WFDC9: variants seen among roughly 807,000 people sequenced by gnomAD.
WFDC9 encodes protein WFDC9.
Under a neutral mutation model 9.5 loss-of-function variants are expected in WFDC9, and 9 were observed. That is an observed-to-expected ratio of 0.95 (90% CI 0.57 to 1.65). The LOEUF is 1.65. WFDC9 is among the 40% of genes most tolerant of loss of function. The pLI is 0.00. For missense variants in WFDC9, 87 were observed against 106.7 expected, an observed-to-expected ratio of 0.82 and a Z score of 0.81; for synonymous variants, 33 against 32.3, an observed-to-expected ratio of 1.02 and a Z score of -0.07.
At chr20:45,624,639 C>G (rs948399592) in intron 1 of WFDC9, among the ~76,000 whole-genome samples, 6 of 152,154 alleles carry the variant, frequency 3.9e-5, no homozygotes, top group Non-Finnish European at 8.8e-5. Flanking sequence ...TGAGAAATTG[C>G]AATACCATTC....
intron 2 of WFDC9, among the ~76,000 whole-genome samples, chr20:45,611,668 C>T (rs1211226849): frequency 1.3e-5 from 2 of 152,092 alleles, no homozygotes; most frequent in Non-Finnish European, 1.5e-5. Context: ...GATGAACCTC[C>T]TTATAGTTAA....
At chr20:45,615,289 A>G (rs756881651) in intron 1 of WFDC9, among the ~76,000 whole-genome samples, 2 of 152,204 alleles carry the variant, frequency 1.3e-5, no homozygotes, top group Non-Finnish European at 2.9e-5. Flanking sequence ...TTTGTTCACC[A>G]AATGTCAGGG....
intron 4 of WFDC9, 43 bp downstream of exon 4, chr20:45,608,620 G>T: frequency 6.3e-7 from 1 of 1,585,070 alleles, no homozygotes. Context: ...GACCAGTGAT[G>T]AAGCATGCCC....
chr20:45,622,368 A>T (rs968685644), intron 1 of WFDC9, among the ~76,000 whole-genome samples: 1 of 152,116 alleles, frequency 6.6e-6, no homozygotes, highest in Admixed American at 6.5e-5. Context: ...TTCTTTTATG[A>T]TCATTTCCAG....
In WFDC9 at chr20:45,608,873, G is replaced by A. The variant is rs1376860413; in HGVS notation, c.92-63C>T. 1.3e-5 allele frequency: 19 copies of A among 1,510,052 alleles called. No homozygotes were observed. The East Asian group carries it at 3.8e-4, about 30-fold the overall frequency. 93.5% of individuals were successfully genotyped at this position (1,510,052 alleles called of 1,614,324 possible). ...AACTCAGACAAGAAACCTTTTCTAA[G>A]CTTAACAATCCCTTCTGAAACTTGA... On this transcript the variant is annotated intron_variant, in intron 3 of 4. Transcript: ENST00000326000.
intron 3 of WFDC9, 64 bp from the exon 4 acceptor site, chr20:45,608,874 C>T: frequency 1.3e-6 from 2 of 1,491,590 alleles, no homozygotes; most frequent in South Asian, 2.7e-5. Context: ...CTTTTCTAAG[C>T]TTAACAATCC....
chr20:45,629,411 T>C (rs1982300520), intron 1 of WFDC9: 1 of 155,220 alleles, frequency 6.4e-6, no homozygotes, highest in Non-Finnish European at 1.4e-5. Flanking sequence ...ATTGTTTATA[T>C]TAAATATGGA....
intron 2 of WFDC9, among the ~76,000 whole-genome samples, chr20:45,611,399 G>T (rs1476844336): frequency 6.6e-6 from 1 of 152,150 alleles, no homozygotes; most frequent in Admixed American, 6.5e-5. Context: ...CTAATTTCAT[G>T]GGCCTGCACA....
intron 1 of WFDC9, chr20:45,630,938 T>A (rs374193789): frequency 1.2e-6 from 2 of 1,612,810 alleles, no homozygotes; most frequent in Non-Finnish European, 8.5e-7. Flanking sequence ...CAAACACTTA[T>A]GTGAATCTCA....
intron 1 of WFDC9, among the ~76,000 whole-genome samples, chr20:45,618,329 C>A (rs566287704): frequency 6.6e-6 from 1 of 152,300 alleles, no homozygotes; most frequent in African/African-American, 2.4e-5. Flanking sequence ...AGCAATAGAG[C>A]TGTTTTGCTT....
intron 1 of WFDC9, among the ~76,000 whole-genome samples, chr20:45,614,947 C>T (rs775956226): frequency 2.0e-5 from 3 of 152,116 alleles, no homozygotes; most frequent in Non-Finnish European, 4.4e-5. Context: ...GCTCAGGCCA[C>T]CCCCAGCAGA....
chr20:45,626,239 C>T (rs1982216712), intron 1 of WFDC9, among the ~76,000 whole-genome samples: 1 of 152,108 alleles, frequency 6.6e-6, no homozygotes, highest in African/African-American at 2.4e-5. Context: ...TTCCCTCCAG[C>T]TTTGTTCTTT....
intron 1 of WFDC9, among the ~76,000 whole-genome samples, chr20:45,621,419 G>T (rs916373779): frequency 5.9e-5 from 9 of 152,172 alleles, no homozygotes; most frequent in Non-Finnish European, 8.8e-5. Flanking sequence ...ATGCAAAATT[G>T]TTGACATGGC....
At chr20:45,626,168 C>A (rs1982215500) in intron 1 of WFDC9, among the ~76,000 whole-genome samples, 1 of 151,644 alleles carries the variant, frequency 6.6e-6, no homozygotes, top group South Asian at 2.1e-4. Flanking sequence ...TGTTTTTATG[C>A]CAGTGCTATG....
intron 1 of WFDC9, among the ~76,000 whole-genome samples, chr20:45,630,703 G>A (rs1982342004): frequency 6.6e-6 from 1 of 152,026 alleles, no homozygotes; most frequent in Admixed American, 6.5e-5. Context: ...TTTAAAATAT[G>A]ACCAATCACT....
intron 1 of WFDC9, chr20:45,629,758 G>T: frequency 6.3e-7 from 1 of 1,584,568 alleles, no homozygotes; most frequent in Non-Finnish European, 8.6e-7. Flanking sequence ...AGACAGCTCT[G>T]CAGGGAAGTC....
rs929633399 is a variant in WFDC9 at position 45,607,989 on chromosome 20, A to G, written c.*121T>C. On this transcript the variant is annotated 3_prime_UTR_variant, in exon 5 of 5. Coordinates refer to ENST00000326000, the MANE Select transcript of WFDC9 (RefSeq NM_147198.4). ...ACAAAAGCTTCAGGGTAAAGAGGTCAAGGAAATAGCAGAAAGGTTACCAGC... is the reference window on the plus strand; with the variant it reads ...ACAAAAGCTTCAGGGTAAAGAGGTCGAGGAAATAGCAGAAAGGTTACCAGC... 1.8e-6 allele frequency: 2 copies of G among 1,122,538 alleles called. No homozygotes were observed. The highest frequency in any genetic ancestry group is 3.1e-5 in the African/African-American group (2 of 63,820). 69.5% of individuals were successfully genotyped at this position (1,122,538 alleles called of 1,614,324 possible).
chr20:45,616,665 A>G (rs1216754469), intron 1 of WFDC9, among the ~76,000 whole-genome samples: 2 of 152,232 alleles, frequency 1.3e-5, no homozygotes, highest in African/African-American at 4.8e-5. Context: ...AGTCAAAATT[A>G]TCTCTTGGTC....
rs1327362377 is a variant in WFDC9, at chr20:45,608,124, T to C, written c.256A>G (p.Met86Val). The C allele has an allele frequency of 6.2e-7, 1 of 1,613,158 alleles. No homozygotes were observed. Among genetic ancestry groups the C allele is most frequent in the Non-Finnish European group, 8.5e-7 (1 of 1,179,722 alleles). The change falls in exon 5 of 5, where the codon ATG becomes GTG. Residue 86 changes from methionine (M) to valine (V), a missense_variant. By Grantham distance (21) the Met-to-Val change is conservative (BLOSUM62 1). Transcript: ENST00000326000. ...CLDNEEPLKSMLNP is the reference protein window; with the variant it reads ...CLDNEEPLKSVLNP ...GCCAATAGAATCTAGGGGTTTAGCATTGATTTAAGGGGCTCTCTAGAAGAG... is the reference window on the plus strand; with the variant it reads ...GCCAATAGAATCTAGGGGTTTAGCACTGATTTAAGGGGCTCTCTAGAAGAG...
Sources: gnomAD v4.1 joint callset for allele counts (sites outside exome capture counted in the v4.1 genomes callset) on GRCh38, gnomAD v4.1.1 for gene constraint, MANE v1.5 for transcripts, NCBI Gene and HGNC (gene_info 2026-07-23, HGNC 2026-07-21) for gene names.